The following ARHGAP15 variants were observed in gnomAD, a reference collection of about 807,000 sequenced individuals.
ARHGAP15 encodes the protein Rho GTPase activating protein 15, also known as rho GTPase-activating protein 15.
A neutral mutation model predicts 63.7 loss-of-function variants in ARHGAP15; 51 were observed. That is an observed-to-expected ratio of 0.80 (90% confidence interval 0.64 to 1.01). The LOEUF is 1.01. ARHGAP15 is among the 50% of genes least tolerant of loss of function. The pLI, the probability that ARHGAP15 is intolerant of heterozygous loss-of-function variation, is 0.00. For missense variants in ARHGAP15, 560 were observed against 564.6 expected (o/e 0.99, Z 0.08); for synonymous variants, 191 against 193.8 (o/e 0.99, Z 0.12).
chr2:143,514,224 A>T (rs907471354), intron 9 of ARHGAP15, among the ~76,000 whole-genome samples: 12 of 152,208 alleles, frequency 7.9e-5, no homozygotes, highest in Non-Finnish European at 1.5e-4. Flanking sequence ...CCTGCATGAA[A>T]TAGTTACTGA....
chr2:143,758,244 A>C (rs1347445545), intron 13 of ARHGAP15, among the ~76,000 whole-genome samples: 1 of 151,576 alleles, frequency 6.6e-6, no homozygotes, highest in Non-Finnish European at 1.5e-5. Flanking sequence ...CATCTTTTCT[A>C]AAAAGGAAAA....
intron 13 of ARHGAP15, among the ~76,000 whole-genome samples, chr2:143,754,884 A>C (rs1165016804): frequency 6.6e-6 from 1 of 152,216 alleles, no homozygotes; most frequent in Non-Finnish European, 1.5e-5. Flanking sequence ...AAACTCAAAA[A>C]CACAGTCCTT....
intron 6 of ARHGAP15, among the ~76,000 whole-genome samples, chr2:143,338,178 C>A (rs904005653): frequency 2.6e-5 from 4 of 152,074 alleles, no homozygotes; most frequent in African/African-American, 9.7e-5. Flanking sequence ...TAGGAGTATA[C>A]CAGTGAGTAA....
chr2:143,349,041 C>G (rs1417325134), intron 6 of ARHGAP15, among the ~76,000 whole-genome samples: 1 of 152,136 alleles, frequency 6.6e-6, no homozygotes, highest in Non-Finnish European at 1.5e-5. Context: ...ACATCCTGAA[C>G]AACACATACA....
intron 6 of ARHGAP15, among the ~76,000 whole-genome samples, chr2:143,282,739 A>C (rs1253812899): frequency 6.6e-6 from 1 of 152,160 alleles, no homozygotes; most frequent in Non-Finnish European, 1.5e-5. Context: ...CGGATTTCAC[A>C]CAGCTGATAA....
At chr2:143,445,911 CTG>C (rs1445179447) in intron 8 of ARHGAP15, among the ~76,000 whole-genome samples, 3 of 151,868 alleles carry the variant, frequency 2.0e-5, no homozygotes, top group African/African-American at 7.3e-5. Context: ...TTTTATAAGA[CTG>C]AGAATACTTT....
intron 9 of ARHGAP15, among the ~76,000 whole-genome samples, chr2:143,516,077 C>G (rs1181042917): frequency 1.3e-5 from 2 of 152,208 alleles, no homozygotes; most frequent in Non-Finnish European, 2.9e-5. Context: ...TGCCCCACCA[C>G]ATGCTCCCAC....
chr2:143,436,158 A>G (rs980740079), intron 7 of ARHGAP15, among the ~76,000 whole-genome samples: 5 of 152,198 alleles, frequency 3.3e-5, no homozygotes, highest in African/African-American at 9.6e-5. Context: ...TATGAAAATT[A>G]CATATCTAGA....
intron 11 of ARHGAP15, among the ~76,000 whole-genome samples, chr2:143,590,641 A>T: frequency 6.6e-6 from 1 of 152,154 alleles, no homozygotes; most frequent in Non-Finnish European, 1.5e-5. Context: ...AGTGCTGATT[A>T]GAAATCCTTC....
At chr2:143,546,436 AAT>A (rs1396007517) in intron 10 of ARHGAP15, among the ~76,000 whole-genome samples, 1 of 152,018 alleles carries the variant, frequency 6.6e-6, no homozygotes, top group Admixed American at 6.6e-5. Context: ...TAATTTATGA[AAT>A]AGTCTCTTGC....
intron 10 of ARHGAP15, among the ~76,000 whole-genome samples, chr2:143,531,237 A>T (rs1483760080): frequency 6.6e-6 from 1 of 152,198 alleles, no homozygotes; most frequent in East Asian, 1.9e-4. Context: ...TATAAATATA[A>T]ATGTAATTAT....
chr2:143,377,879 G>A (rs574980633), intron 6 of ARHGAP15, among the ~76,000 whole-genome samples: 1 of 151,940 alleles, frequency 6.6e-6, no homozygotes, highest in African/African-American at 2.4e-5. Context: ...TTTTTTATAT[G>A]TACTTTACAT....
chr2:143,238,014 G>A (rs1261187357), intron 5 of ARHGAP15: 7 of 152,030 alleles, frequency 4.6e-5, no homozygotes, highest in Non-Finnish European at 8.8e-5. Context: ...TGTATATGGT[G>A]TAAGGAAGGG....
chr2:143,199,293 C>T (rs1692009141), intron 2 of ARHGAP15, among the ~76,000 whole-genome samples: 1 of 152,018 alleles, frequency 6.6e-6, no homozygotes, highest in Non-Finnish European at 1.5e-5. Flanking sequence ...TAAGGTAATG[C>T]TAGCAGCTGT....
intron 6 of ARHGAP15, among the ~76,000 whole-genome samples, chr2:143,333,283 A>G (rs1004586073): frequency 1.3e-5 from 2 of 152,216 alleles, no homozygotes; most frequent in Non-Finnish European, 2.9e-5. Flanking sequence ...TGTTGTTTTA[A>G]ATATCACTGT....
At chr2:143,467,141 T>G (rs559606481) in intron 8 of ARHGAP15, among the ~76,000 whole-genome samples, 3 of 151,598 alleles carry the variant, frequency 2.0e-5, no homozygotes, top group Non-Finnish European at 4.4e-5. Context: ...CATTATAGTA[T>G]GACAGAGGGA....
At chr2:143,222,048 G>A (rs1693022221) in intron 4 of ARHGAP15, among the ~76,000 whole-genome samples, 1 of 152,246 alleles carries the variant, frequency 6.6e-6, no homozygotes, top group Middle Eastern at 3.4e-3. Flanking sequence ...AATTCTTCCA[G>A]GCTGAATCTT....
chr2:143,653,318 AT>A lies in ARHGAP15; in HGVS notation c.1138+29058del, dbSNP rs1326639910. On this transcript the variant is annotated intron_variant, in intron 12 of 13. Transcript: ENST00000295095. ...TTTATAAAGCATATTAATCTGAATG[AT>A]TTTTTTCCACCTTATATCTTTGTAT... Among the ~76,000 whole-genome samples the A allele has an allele frequency of 2.6e-5, 4 of 152,156 alleles. No individual in the cohort carries two copies. In the South Asian group the frequency reaches 6.2e-4, roughly 24 times the overall value.
intron 10 of ARHGAP15, among the ~76,000 whole-genome samples, chr2:143,527,390 T>C (rs1694324762): frequency 6.6e-6 from 1 of 152,204 alleles, no homozygotes; most frequent in East Asian, 1.9e-4. Context: ...AAGATGTTTT[T>C]CTTGGGTTCA....
Sources: allele counts gnomAD v4.1 joint callset (sites outside exome capture counted in the v4.1 genomes callset), GRCh38; gene constraint gnomAD v4.1.1; transcripts MANE v1.5; gene names NCBI Gene and HGNC (gene_info 2026-07-23, HGNC 2026-07-21).